PLPP1: variants seen among roughly 807,000 people sequenced by gnomAD.
PLPP1 encodes phospholipid phosphatase 1.
A neutral mutation model predicts 31.2 loss-of-function variants in PLPP1; 24 were observed. The observed-to-expected ratio is 0.77, with a 90% CI of 0.56 to 1.08. The LOEUF (loss-of-function observed/expected upper bound fraction) is 1.08. PLPP1 is among the 50% of genes least tolerant of loss of function. The pLI is 0.00. For synonymous variants in PLPP1, 146 were observed against 126.3 expected (o/e 1.16, Z -1.05); for missense variants, 319 against 342.7 (o/e 0.93, Z 0.55).
chr5:55,503,332 T>C (rs532342878), intron 1 of PLPP1, among the ~76,000 whole-genome samples: 70 of 152,336 alleles, frequency 4.6e-4, no homozygotes, highest in African/African-American at 1.5e-3. Flanking sequence ...CTGATCTTAG[T>C]ATATTGCCTG....
chr5:55,443,216 C>T (rs540170596), intron 3 of PLPP1, among the ~76,000 whole-genome samples: 1,366 of 45,182 alleles, frequency 0.03, 14 homozygotes, highest in East Asian at 0.12. Context: ...TATATATACA[C>T]ACACACACAC....
intron 3 of PLPP1, among the ~76,000 whole-genome samples, chr5:55,442,775 C>G (rs1164760708): frequency 6.6e-6 from 1 of 152,020 alleles, no homozygotes; most frequent in Non-Finnish European, 1.5e-5. Context: ...TCTTCCCCAC[C>G]TAAAAATGAC....
At position 55,475,001 on chromosome 5, in the gene PLPP1, T is replaced by C. The variant is rs1477306048; in HGVS notation, c.210+298A>G. On this transcript the variant is annotated intron_variant, in intron 2 of 5. Coordinates refer to ENST00000307259, the MANE Select transcript of PLPP1 (RefSeq NM_003711.4). The stretch of plus-strand genomic sequence containing the variant: ...CTGGAGTATAATGGCTATTCACAGA[T>C]GTGATCATCACATATTATAGTATCC... Among the ~76,000 whole-genome samples, 5 of 152,278 alleles carry C rather than the reference T, an allele frequency of 3.3e-5. No individual in the cohort carries two copies. In the East Asian group the frequency reaches 9.6e-4, roughly 29 times the overall value.
In PLPP1 at chr5:55,474,019, C is replaced by T. The variant is rs187028213; in HGVS notation, c.210+1280G>A. 6.4e-3 allele frequency among the ~76,000 whole-genome samples: 699 copies of T among 109,432 alleles called. 9 individuals carry two copies. The highest frequency in any genetic ancestry group is 0.023 in the African/African-American group (671 of 29,446). The allele number at this position is 109,432 out of a possible 152,430, so 71.8% of individuals were successfully genotyped here. The stretch of plus-strand genomic sequence containing the variant: ...GTTGTTTTTTTTTTTTTTTTCCAGA[C>T]GGAGTCTCATTGTGTCAACCAGGCT... On this transcript the variant is annotated intron_variant, in intron 2 of 5. Transcript: ENST00000307259.
At position 55,513,268 on chromosome 5, in the gene PLPP1, C is replaced by CTTTTATTTTTT. The variant is rs1554041704; in HGVS notation, c.58+21303_58+21304insAAAAAATAAAA. On this transcript the variant is annotated intron_variant, in intron 1 of 5. Transcript: ENST00000307259. The stretch of plus-strand genomic sequence containing the variant: ...TATAGTATTACTACTATAATGACTC[C>CTTTTATTTTTT]TTTTTTTTTAAGACAGAGTCTTGCT... Among the ~76,000 whole-genome samples the CTTTTATTTTTT allele has an allele frequency of 3.4e-5, 4 of 117,552 alleles. No homozygotes were observed. The South Asian group carries it at 1.1e-3, about 33-fold the overall frequency. 77.1% of individuals were successfully genotyped at this position (117,552 alleles called of 152,430 possible).
At chr5:55,525,765 A>G (rs1299849850) in intron 1 of PLPP1, among the ~76,000 whole-genome samples, 1 of 152,216 alleles carries the variant, frequency 6.6e-6, no homozygotes, top group African/African-American at 2.4e-5. Flanking sequence ...GGGAGGAAGG[A>G]ATGACAATGA....
chr5:55,491,125 AGGG>A (rs1435003732), intron 1 of PLPP1: 1 of 1,608,144 alleles, frequency 6.2e-7, no homozygotes, highest in Admixed American at 1.7e-5. Flanking sequence ...CTGTTGGGGA[AGGG>A]AAAAAAAGAC....
chr5:55,501,487 G>A (rs1286039535), intron 1 of PLPP1, among the ~76,000 whole-genome samples: 3 of 151,948 alleles, frequency 2.0e-5, no homozygotes, highest in Non-Finnish European at 2.9e-5. Flanking sequence ...CCTTAAAAAT[G>A]TATGAAACAA....
intron 4 of PLPP1, 95 bp downstream of exon 4, chr5:55,441,756 T>A: frequency 7.7e-7 from 1 of 1,300,332 alleles, no homozygotes; most frequent in Non-Finnish European, 1.1e-6. Context: ...CTTTTGCTAC[T>A]GGCTAATTTA....
intron 3 of PLPP1, among the ~76,000 whole-genome samples, chr5:55,442,810 G>T (rs1751655955): frequency 6.6e-6 from 1 of 151,900 alleles, no homozygotes; most frequent in South Asian, 2.1e-4. Context: ...ACTTAATTTT[G>T]TGGCACTTCT....
intron 3 of PLPP1, among the ~76,000 whole-genome samples, chr5:55,462,302 A>G (rs1752182641): frequency 6.6e-6 from 1 of 152,248 alleles, no homozygotes; most frequent in Non-Finnish European, 1.5e-5. Context: ...CATACAGAGC[A>G]ATGAACTAGA....
Position 55,468,003 on chromosome 5 carries a change from G to C in PLPP1, c.357C>G (p.Ala119=). The C allele has an allele frequency of 1.2e-6, 2 of 1,614,118 alleles. No individual in the cohort carries two copies. The highest frequency in any genetic ancestry group is 1.7e-6 in the Non-Finnish European group (2 of 1,180,016). Residue 119 remains alanine, a synonymous_variant, in exon 3 of 6, where the codon GCC becomes GCG. Coordinates refer to ENST00000307259, the MANE Select transcript of PLPP1 (RefSeq NM_003711.4). The part of the protein sequence containing the change: ...AAASQSLTDI[A]KYSIGRLRPH... ...GCCGCAGTCTGCCTATTGAATACTT[G>C]GCAATGTCAGTCAGGGACTGACTAG... is the stretch of plus-strand genomic sequence containing the variant.
intron 2 of PLPP1, 150 bp from the exon 3 acceptor site, chr5:55,468,299 G>T: frequency 3.0e-6 from 2 of 657,228 alleles, no homozygotes; most frequent in Non-Finnish European, 5.0e-6. Flanking sequence ...ACAATGGAGA[G>T]TCAACTTAGG....
chr5:55,506,015 C>A (rs1753267634), intron 1 of PLPP1, among the ~76,000 whole-genome samples: 1 of 152,140 alleles, frequency 6.6e-6, no homozygotes, highest in Non-Finnish European at 1.5e-5. Context: ...TGAGATCACG[C>A]CACTGCACTC....
chr5:55,521,385 T>TG (rs1753664445), intron 1 of PLPP1, among the ~76,000 whole-genome samples: 1 of 148,210 alleles, frequency 6.7e-6, no homozygotes, highest in Non-Finnish European at 1.5e-5. Context: ...GGCATGGTGG[T>TG]GCACACCTGC....
chr5:55,531,415 T>G (rs1414882699), intron 1 of PLPP1, among the ~76,000 whole-genome samples: 1 of 152,176 alleles, frequency 6.6e-6, no homozygotes, highest in Non-Finnish European at 1.5e-5. Context: ...ACAGTAAAAT[T>G]ATAAAGTAGT....
At chr5:55,453,015 G>T (rs1011194076) in intron 3 of PLPP1, among the ~76,000 whole-genome samples, 10 of 91,832 alleles carry the variant, frequency 1.1e-4, no homozygotes, top group Admixed American at 8.6e-4. Context: ...CATAGAGTAG[G>T]TATTCAATGT....
chr5:55,473,490 T>C (rs952491430), intron 2 of PLPP1, among the ~76,000 whole-genome samples: 98 of 152,208 alleles, frequency 6.4e-4, no homozygotes, highest in Non-Finnish European at 7.3e-5. Context: ...AAGTTAACTT[T>C]CAATGCTAAT....
chr5:55,431,132 A>G (rs1262648770), intron 4 of PLPP1, among the ~76,000 whole-genome samples: 1 of 152,214 alleles, frequency 6.6e-6, no homozygotes, highest in Non-Finnish European at 1.5e-5. Context: ...AAGGGATAGA[A>G]AACCTATTTG....
Sources: gnomAD v4.1 joint callset for allele counts (sites outside exome capture counted in the v4.1 genomes callset) on GRCh38, gnomAD v4.1.1 for gene constraint, MANE v1.5 for transcripts, NCBI Gene and HGNC (gene_info 2026-07-23, HGNC 2026-07-21) for gene names.